AGBL4: variants seen among roughly 807,000 people sequenced by gnomAD.
The protein encoded by AGBL4 is AGBL carboxypeptidase 4.
AGBL4 carries 58 observed loss-of-function variants against 66.4 expected under a neutral mutation model. The observed-to-expected ratio is 0.87, with a 90% CI of 0.71 to 1.09. The LOEUF (loss-of-function observed/expected upper bound fraction) is 1.09, where lower values mean the gene tolerates loss of function less well. AGBL4 is among the 50% of genes least tolerant of loss of function. The pLI, the probability that AGBL4 is intolerant of heterozygous loss-of-function variation, is 0.00. For synonymous variants in AGBL4, 234 were observed against 222.9 expected, an observed-to-expected ratio of 1.05 and a Z score of -0.44; for missense variants, 579 against 631.0, an observed-to-expected ratio of 0.92 and a Z score of 0.88.
In AGBL4 at chr1:48,858,626, C is replaced by A. The variant is rs114458788; in HGVS notation, c.634+8565G>T. 2.6e-5 allele frequency among the ~76,000 whole-genome samples: 4 copies of A among 152,080 alleles called. No homozygotes were observed. The South Asian group carries it at 6.2e-4, about 24-fold the overall frequency. On this transcript the variant is annotated intron_variant, in intron 6 of 13. Coordinates refer to ENST00000371839, the MANE Select transcript of AGBL4 (RefSeq NM_032785.4). ...ATTTATATAAAATGTCCACAATAGG[C>A]AAATCCATAGAGACAGAAAGTTATA...
At chr1:48,992,607 C>T (rs1660686831) in intron 5 of AGBL4, among the ~76,000 whole-genome samples, 2 of 152,138 alleles carry the variant, frequency 1.3e-5, no homozygotes, top group Non-Finnish European at 2.9e-5. Context: ...TCCCACAACC[C>T]TTGGTTCAAA....
At chr1:49,950,067 T>C (rs1244823176) in intron 1 of AGBL4, among the ~76,000 whole-genome samples, 3 of 141,372 alleles carry the variant, frequency 2.1e-5, no homozygotes, top group Admixed American at 7.1e-5. Flanking sequence ...TATACACACA[T>C]ATATATACAC....
At chr1:49,206,551 T>A (rs752040883) in intron 4 of AGBL4, among the ~76,000 whole-genome samples, 2 of 152,054 alleles carry the variant, frequency 1.3e-5, no homozygotes, top group Non-Finnish European at 2.9e-5. Flanking sequence ...CCTGACACTA[T>A]CCTTATACAT....
chr1:48,775,603 T>C (rs1645038945), intron 6 of AGBL4, among the ~76,000 whole-genome samples: 1 of 152,190 alleles, frequency 6.6e-6, no homozygotes, highest in South Asian at 2.1e-4. Flanking sequence ...TACTTCCCCC[T>C]TCCTTGCTTG....
intron 5 of AGBL4, among the ~76,000 whole-genome samples, chr1:48,897,971 G>A (rs55756165): frequency 0.49 from 74,230 of 151,496 alleles, 21,560 homozygotes; most frequent in Non-Finnish European, 0.67. Flanking sequence ...CACCATACCC[G>A]GCTAATTTTT....
At chr1:49,044,039 T>G (rs1331067115) in intron 5 of AGBL4, among the ~76,000 whole-genome samples, 1 of 152,204 alleles carries the variant, frequency 6.6e-6, no homozygotes, top group Non-Finnish European at 1.5e-5. Context: ...AAGCCTCTTT[T>G]AGGGGCACAA....
intron 3 of AGBL4, among the ~76,000 whole-genome samples, chr1:49,681,509 C>T (rs1646692800): frequency 1.3e-5 from 2 of 152,088 alleles, no homozygotes; most frequent in Admixed American, 6.6e-5. Context: ...ACTATGCTTC[C>T]AGTGTTAGCA....
intron 3 of AGBL4, among the ~76,000 whole-genome samples, chr1:49,608,067 G>T (rs1645091762): frequency 6.6e-6 from 1 of 152,060 alleles, no homozygotes; most frequent in African/African-American, 2.4e-5. Flanking sequence ...GAGAAAAATA[G>T]CCCTGCCTCT....
chr1:49,008,088 G>A (rs939585411), intron 5 of AGBL4, among the ~76,000 whole-genome samples: 8 of 152,234 alleles, frequency 5.3e-5, no homozygotes, highest in Non-Finnish European at 8.8e-5. Flanking sequence ...TGGCAAATTG[G>A]ATAAAGAGTC....
At chr1:48,681,667 C>T (rs1646457149) in intron 6 of AGBL4, among the ~76,000 whole-genome samples, 1 of 152,230 alleles carries the variant, frequency 6.6e-6, no homozygotes, top group South Asian at 2.1e-4. Context: ...TCTCCCCACT[C>T]CTGGCTCCTG....
At chr1:49,261,788 T>C (rs1162264546) in intron 3 of AGBL4, among the ~76,000 whole-genome samples, 25 of 147,652 alleles carry the variant, frequency 1.7e-4, no homozygotes, top group African/African-American at 6.0e-4. Flanking sequence ...ATGACTTTCT[T>C]CACAGAATTG....
At position 49,210,867 on chromosome 1, in the gene AGBL4, G is replaced by A. The variant is rs559438059; in HGVS notation, c.377+34903C>T. Among the ~76,000 whole-genome samples, 10 of 152,158 alleles carry A rather than the reference G, an allele frequency of 6.6e-5. 1 individual carries two copies. The South Asian group carries it at 1.9e-3, about 28-fold the overall frequency. On this transcript the variant is annotated intron_variant, in intron 4 of 13. Coordinates refer to ENST00000371839, the MANE Select transcript of AGBL4 (RefSeq NM_032785.4). Reference sequence around the variant, plus strand: ...TAATTCTACCCTTTCCTTTGCTCTAGCTAAGTTATTTGAAAGTATATTACT... The same window carrying A: ...TAATTCTACCCTTTCCTTTGCTCTAACTAAGTTATTTGAAAGTATATTACT...
At chr1:48,860,961 A>G (rs1229635658) in intron 6 of AGBL4, among the ~76,000 whole-genome samples, 2 of 152,258 alleles carry the variant, frequency 1.3e-5, no homozygotes, top group African/African-American at 4.8e-5. Context: ...TATGGAACAA[A>G]GATTTTAAAA....
intron 2 of AGBL4, among the ~76,000 whole-genome samples, chr1:49,703,830 A>G (rs1300133952): frequency 1.3e-5 from 2 of 152,098 alleles, no homozygotes; most frequent in African/African-American, 4.8e-5. Flanking sequence ...CTATGTAAAG[A>G]ATAGAAAATT....
At chr1:49,424,310 T>A (rs1012710283) in intron 3 of AGBL4, among the ~76,000 whole-genome samples, 1 of 152,146 alleles carries the variant, frequency 6.6e-6, no homozygotes, top group Non-Finnish European at 1.5e-5. Context: ...AAATCCTGGA[T>A]TTTTCCCCTC....
chr1:49,918,139 T>C (rs963027912), intron 1 of AGBL4, among the ~76,000 whole-genome samples: 3 of 151,986 alleles, frequency 2.0e-5, no homozygotes, highest in Non-Finnish European at 4.4e-5. Flanking sequence ...GCAAGAAAGA[T>C]CTAAAATTGA....
At chr1:49,561,739 G>T (rs183073580) in intron 3 of AGBL4, among the ~76,000 whole-genome samples, 2,244 of 152,164 alleles carry the variant, frequency 0.015, 28 homozygotes, top group Non-Finnish European at 0.024. Context: ...CCAAGTCTTT[G>T]CTATTGTGAA....
chr1:48,618,767 G>T (rs1227734418), intron 9 of AGBL4, among the ~76,000 whole-genome samples: 1 of 152,138 alleles, frequency 6.6e-6, no homozygotes, highest in Non-Finnish European at 1.5e-5. Flanking sequence ...AATTTACCTA[G>T]CATGCTCAAT....
chr1:48,622,548 A>G (rs1397004853), intron 9 of AGBL4, among the ~76,000 whole-genome samples: 4 of 141,712 alleles, frequency 2.8e-5, no homozygotes, highest in Non-Finnish European at 4.5e-5. Context: ...CAATGGCACA[A>G]TCTCGGCTCA....
Sources: gnomAD v4.1 joint callset for allele counts (sites outside exome capture counted in the v4.1 genomes callset) on GRCh38, gnomAD v4.1.1 for gene constraint, MANE v1.5 for transcripts, NCBI Gene and HGNC (gene_info 2026-07-23, HGNC 2026-07-21) for gene names.